The following CTNNA2 variants were observed in gnomAD, a reference collection of about 807,000 sequenced individuals.
CTNNA2 encodes catenin alpha-2.
A neutral mutation model predicts 101.0 loss-of-function variants in CTNNA2; 42 were observed. The observed-to-expected ratio is 0.42, with a 90% CI of 0.32 to 0.54. The LOEUF is 0.54. Among genes scored for constraint, CTNNA2 ranks in the 20% least tolerant of loss-of-function variants. The probability of loss-of-function intolerance (pLI) is 0.14; values close to 1 mark genes in which losing one functional copy is unlikely to be tolerated. For synonymous variants in CTNNA2, 450 were observed against 456.4 expected, an observed-to-expected ratio of 0.99 and a Z score of 0.18; for missense variants, 871 against 1,223.1, an observed-to-expected ratio of 0.71 and a Z score of 4.29.
intron 1 of CTNNA2, among the ~76,000 whole-genome samples, chr2:79,560,296 T>C (rs1237651270): frequency 6.6e-6 from 1 of 151,880 alleles, no homozygotes; most frequent in Non-Finnish European, 1.5e-5. Context: ...TTACAAGGCA[T>C]TAGAAGTTTG....
chr2:80,148,211 C>T (rs1703473640), intron 7 of CTNNA2, among the ~76,000 whole-genome samples: 1 of 152,138 alleles, frequency 6.6e-6, no homozygotes. Context: ...TTTTTAAAGG[C>T]ATTGGCAGAT....
intron 3 of CTNNA2, among the ~76,000 whole-genome samples, chr2:79,821,695 A>G (rs1309099588): frequency 2.0e-5 from 3 of 152,230 alleles, no homozygotes; most frequent in Admixed American, 6.5e-5. Context: ...CCTTGAAAAA[A>G]TGAATTATAA....
chr2:80,434,456 CATT>C (rs1182201986), intron 9 of CTNNA2, among the ~76,000 whole-genome samples: 1 of 142,594 alleles, frequency 7.0e-6, no homozygotes, highest in East Asian at 2.1e-4. Flanking sequence ...CGATTGTTGT[CATT>C]GTTGTCTGTC....
intron 3 of CTNNA2, among the ~76,000 whole-genome samples, chr2:79,808,270 G>A (rs1205870636): frequency 7.9e-5 from 12 of 152,164 alleles, no homozygotes; most frequent in South Asian, 4.1e-4. Context: ...AAGAGGAGAA[G>A]GGAGAAGGAG....
At chr2:80,161,201 A>T (rs1283323011) in intron 7 of CTNNA2, among the ~76,000 whole-genome samples, 1 of 152,176 alleles carries the variant, frequency 6.6e-6, no homozygotes, top group Non-Finnish European at 1.5e-5. Context: ...CTTTTAGTAG[A>T]GACAGGGTTT....
At chr2:79,311,463 T>C (rs1461946758) in intron 2 of CTNNA2, among the ~76,000 whole-genome samples, 1 of 151,280 alleles carries the variant, frequency 6.6e-6, no homozygotes, top group Non-Finnish European at 1.5e-5. Flanking sequence ...TCTAAGGACT[T>C]GTTTGGTGCT....
At chr2:80,478,687 A>G (rs1488275048) in intron 9 of CTNNA2, among the ~76,000 whole-genome samples, 1 of 152,068 alleles carries the variant, frequency 6.6e-6, no homozygotes, top group Non-Finnish European at 1.5e-5. Context: ...AACTGATTGT[A>G]GGTATTTGGC....
rs190808638 is a variant in CTNNA2, at chr2:80,264,576, A to G, written c.1057-128635A>G. 2.9e-4 allele frequency among the ~76,000 whole-genome samples: 44 copies of G among 152,278 alleles called. No homozygotes were observed. In the East Asian group the frequency reaches 7.5e-3, roughly 26 times the overall value. ...TTCAATGCTCACCAACATCCTCCTC[A>G]TTGCTGGTTGATGCCTAGAATCCCA... is the stretch of plus-strand genomic sequence containing the variant. On this transcript the variant is annotated intron_variant, in intron 7 of 18. Coordinates refer to ENST00000402739, the MANE Select transcript of CTNNA2 (RefSeq NM_001282597.3).
At chr2:80,391,493 T>C (rs1677513021) in intron 7 of CTNNA2, among the ~76,000 whole-genome samples, 1 of 152,218 alleles carries the variant, frequency 6.6e-6, no homozygotes, top group African/African-American at 2.4e-5. Flanking sequence ...TGTTTGAAAG[T>C]AAGTTTTTTT....
chr2:80,528,820 G>A (rs1256708845), intron 9 of CTNNA2, among the ~76,000 whole-genome samples: 2 of 152,096 alleles, frequency 1.3e-5, no homozygotes, highest in African/African-American at 4.8e-5. Context: ...CTGATTCTTC[G>A]TGAGTCTCTA....
chr2:79,509,712 G>A (rs1452538210), upstream of CTNNA2, among the ~76,000 whole-genome samples: 2 of 152,240 alleles, frequency 1.3e-5, no homozygotes, highest in East Asian at 1.9e-4. Context: ...CCCCCAAAAT[G>A]TACAAAACCA....
chr2:80,478,271 G>T (rs1287393672), intron 9 of CTNNA2, among the ~76,000 whole-genome samples: 1 of 151,946 alleles, frequency 6.6e-6, no homozygotes, highest in Non-Finnish European at 1.5e-5. Flanking sequence ...TCGCTGATCT[G>T]TCCTTGTAGA....
chr2:80,033,191 AAAC>A (rs902257524), intron 7 of CTNNA2, among the ~76,000 whole-genome samples: 1 of 151,986 alleles, frequency 6.6e-6, no homozygotes, highest in African/African-American at 2.4e-5. Context: ...CCCCCCAAAA[AAAC>A]AACAACACAA....
chr2:79,703,038 A>G (rs530699675), intron 2 of CTNNA2, among the ~76,000 whole-genome samples: 5 of 152,322 alleles, frequency 3.3e-5, no homozygotes, highest in African/African-American at 1.2e-4. Context: ...CTGATGAAAT[A>G]AACACAGGGA....
intron 1 of CTNNA2, among the ~76,000 whole-genome samples, chr2:79,518,239 T>A (rs1671908175): frequency 6.6e-6 from 1 of 152,134 alleles, no homozygotes; most frequent in South Asian, 2.1e-4. Context: ...TGCTAGGCAG[T>A]TTTGGGGGAA....
At chr2:80,037,727 T>A (rs1226526400) in intron 7 of CTNNA2, among the ~76,000 whole-genome samples, 2 of 152,206 alleles carry the variant, frequency 1.3e-5, no homozygotes, top group Non-Finnish European at 1.5e-5. Flanking sequence ...GTTAGCTTTT[T>A]ATGAAAATCT....
chr2:80,033,972 T>TAAAAAAA (rs70940069), intron 7 of CTNNA2, among the ~76,000 whole-genome samples: 2 of 84,202 alleles, frequency 2.4e-5, no homozygotes, highest in East Asian at 3.8e-4. Flanking sequence ...GCTTATAATG[T>TAAAAAAA]AAAAAAAAAA....
At chr2:79,721,641 T>C (rs1026766430) in intron 2 of CTNNA2, among the ~76,000 whole-genome samples, 2 of 152,302 alleles carry the variant, frequency 1.3e-5, no homozygotes, top group Non-Finnish European at 2.9e-5. Flanking sequence ...ACACACATAC[T>C]TATCCCTGAA....
intron 2 of CTNNA2, among the ~76,000 whole-genome samples, chr2:79,265,246 AT>A (rs1674973694): frequency 6.6e-6 from 1 of 152,186 alleles, no homozygotes; most frequent in Non-Finnish European, 1.5e-5. Flanking sequence ...AAGCCAGAAT[AT>A]TTCATAGATC....
Sources: gnomAD v4.1 joint callset for allele counts (sites outside exome capture counted in the v4.1 genomes callset) on GRCh38, gnomAD v4.1.1 for gene constraint, MANE v1.5 for transcripts, NCBI Gene and HGNC (gene_info 2026-07-23, HGNC 2026-07-21) for gene names.